The following TTC34 variants were observed in gnomAD, a reference collection of about 807,000 sequenced individuals.
The protein encoded by TTC34 is tetratricopeptide repeat domain 34, also known as tetratricopeptide repeat protein 34.
Under a neutral mutation model 40.7 loss-of-function variants are expected in TTC34, and 44 were observed. That is an observed-to-expected ratio of 1.08 (90% CI 0.85 to 1.39). The LOEUF is 1.39. TTC34 is among the 40% of genes most tolerant of loss of function. The pLI, the probability that TTC34 is intolerant of heterozygous loss-of-function variation, is 0.00. For synonymous variants in TTC34, 422 were observed against 398.6 expected, an observed-to-expected ratio of 1.06 and a Z score of -0.70; for missense variants, 884 against 838.0, an observed-to-expected ratio of 1.05 and a Z score of -0.68.
At chr1:2,644,168 G>T in intron 8 of TTC34, 96 bp downstream of exon 8, 1 of 1,260,116 alleles carries the variant, frequency 7.9e-7, no homozygotes, top group Non-Finnish European at 1.1e-6. Context: ...CAACCGCAGA[G>T]AGTGAAGAAA....
intron 6 of TTC34, among the ~76,000 whole-genome samples, chr1:2,748,387 G>T: frequency 1.4e-5 from 2 of 139,658 alleles, no homozygotes; most frequent in Non-Finnish European, 3.1e-5. Flanking sequence ...ACATCCTGGA[G>T]CAACACTGAC....
Position 2,698,846 on chromosome 1 carries a change from C to G in TTC34, c.2227-53283G>C, listed in dbSNP as rs537886571. Among the ~76,000 whole-genome samples, 97 of 145,926 alleles carry G rather than the reference C, an allele frequency of 6.6e-4. No homozygotes were observed. The East Asian group carries it at 0.012, about 17-fold the overall frequency. On this transcript the variant is annotated intron_variant, in intron 6 of 8. Coordinates refer to ENST00000401095, the Ensembl canonical transcript of TTC34. ...ATCTCACAGCCTGCAACAGTACCCA[C>G]ACTCCCAGGCGAGCATCTGACATCC...
At chr1:2,650,329 C>A (rs964461937) in intron 6 of TTC34, among the ~76,000 whole-genome samples, 1 of 150,656 alleles carries the variant, frequency 6.6e-6, no homozygotes, top group Non-Finnish European at 1.5e-5. Context: ...CCTGGAATGG[C>A]ACTCTACACC....
chr1:2,683,468 C>T (rs1381489513), intron 6 of TTC34, among the ~76,000 whole-genome samples: 1 of 151,748 alleles, frequency 6.6e-6, no homozygotes, highest in Admixed American at 6.6e-5. Context: ...GAGCAGCACC[C>T]ACACCACCAG....
intron 2 of TTC34, among the ~76,000 whole-genome samples, chr1:2,794,938 G>A (rs1156729214): frequency 1.3e-5 from 2 of 151,996 alleles, no homozygotes; most frequent in African/African-American, 4.8e-5. Flanking sequence ...AATATTTGAC[G>A]AAATGTTGGC....
rs756101816 is a variant in TTC34 at position 2,787,889 on chromosome 1, G to A, written c.1629-183C>T. Among the ~76,000 whole-genome samples the A allele has an allele frequency of 3.9e-5, 6 of 152,208 alleles. No homozygotes were observed. In the South Asian group the frequency reaches 8.3e-4, roughly 21 times the overall value. The stretch of plus-strand genomic sequence containing the variant: ...GCCCTTCCTAGCATGCGGCCCTCAC[G>A]CTCTCCCTTGCCCTTCTCCTACCCT... On this transcript the variant is annotated intron_variant, in intron 3 of 8. Coordinates refer to ENST00000401095, the Ensembl canonical transcript of TTC34.
rs998121145 is a variant in TTC34 at position 2,789,551 on chromosome 1, TGCGCTCTGGACGGCCCG to T, written c.1563_1579del (p.Ser524GlufsTer42). The T allele has an allele frequency of 2.7e-6, 4 of 1,496,654 alleles. No individual in the cohort carries two copies. In the African/African-American group the frequency reaches 5.7e-5, roughly 21 times the overall value. The allele number at this position is 1,496,654 out of a possible 1,614,324, so 92.7% of individuals were successfully genotyped here. ...CGTCTCTGCGGCCTCCCTCCGGCCC[TGCGCTCTGGACGGCCCG>T]GCGCGTGGAGATCGCTGCAGCATCC... On this transcript the variant is annotated frameshift_variant, in exon 3 of 9. Coordinates refer to ENST00000401095, the Ensembl canonical transcript of TTC34. LOFTEE classifies it high-confidence loss of function.
At chr1:2,648,064 A>G (rs1393730122) in intron 6 of TTC34, among the ~76,000 whole-genome samples, 1 of 152,118 alleles carries the variant, frequency 6.6e-6, no homozygotes, top group Non-Finnish European at 1.5e-5. Context: ...CATTCTAGCA[A>G]ACATTTCTTT....
In TTC34 at chr1:2,692,464, C is replaced by T. The variant is rs375136991; in HGVS notation, c.2227-46901G>A. Among the ~76,000 whole-genome samples the T allele has an allele frequency of 2.4e-4, 28 of 118,612 alleles. 1 individual carries two copies. Among genetic ancestry groups the T allele is most frequent in the Non-Finnish European group, 2.4e-4 (13 of 54,206 alleles). The allele number at this position is 118,612 out of a possible 152,430, so 77.8% of individuals were successfully genotyped here. A position where few individuals can be genotyped will look rare whatever the true frequency, so the allele number is the denominator to read the frequency against. ...TGACTGCCTGGAGCAGCACCCACACCCCCAGGTGAGCATCTGACAGCCTGG... is the reference window on the plus strand; with the variant it reads ...TGACTGCCTGGAGCAGCACCCACACTCCCAGGTGAGCATCTGACAGCCTGG... On this transcript the variant is annotated intron_variant, in intron 6 of 8. Coordinates refer to ENST00000401095, the Ensembl canonical transcript of TTC34.
In TTC34 at chr1:2,645,498, G is replaced by A; in HGVS notation, c.2292C>T (p.Arg764=). ...GGGCCTGGGCTTCCGGCTTCAGAGA[G>A]CGGAGCTCAGGGACCACAGTCCCGG... Residue 764 remains arginine, a synonymous_variant, in exon 7 of 9, where the codon CGC becomes CGT. Coordinates refer to ENST00000401095, the Ensembl canonical transcript of TTC34. The surrounding 1 kb of genome is among the most constrained non-coding windows in gnomAD (Gnocchi z 4.7). 1 of 1,528,978 alleles carries A rather than the reference G, an allele frequency of 6.5e-7. No individual in the cohort carries two copies. Among genetic ancestry groups the A allele is most frequent in the Non-Finnish European group, 8.7e-7 (1 of 1,143,586 alleles). The allele number at this position is 1,528,978 out of a possible 1,614,324, so 94.7% of individuals were successfully genotyped here. A position where few individuals can be genotyped will look rare whatever the true frequency, so the allele number is the denominator to read the frequency against.
At chr1:2,779,222 A>G (rs1643434681) in intron 6 of TTC34, among the ~76,000 whole-genome samples, 1 of 152,200 alleles carries the variant, frequency 6.6e-6, no homozygotes, top group African/African-American at 2.4e-5. Flanking sequence ...CAATGATGCT[A>G]TCTATGAATA....
chr1:2,790,880 G>T (rs1460668366), intron 2 of TTC34, among the ~76,000 whole-genome samples: 3 of 152,190 alleles, frequency 2.0e-5, no homozygotes, highest in African/African-American at 7.2e-5. Flanking sequence ...CTGTAGCAGA[G>T]CTCTTCTCTC....
At chr1:2,687,213 G>A (rs1309476781) in intron 6 of TTC34, among the ~76,000 whole-genome samples, 596 of 145,148 alleles carry the variant, frequency 4.1e-3, no homozygotes, top group Admixed American at 8.3e-3. Flanking sequence ...ACCTCCCGGC[G>A]AGCATCCGAC....
At chr1:2,797,735 G>T (rs188010303) in intron 2 of TTC34, among the ~76,000 whole-genome samples, 12 of 152,172 alleles carry the variant, frequency 7.9e-5, no homozygotes, top group Admixed American at 4.6e-4. Context: ...AAGAGGCAGT[G>T]AAGGGACCGG....
chr1:2,750,390 G>C (rs1217187406), intron 6 of TTC34, among the ~76,000 whole-genome samples: 2 of 108,282 alleles, frequency 1.8e-5, no homozygotes, highest in African/African-American at 4.3e-5. Context: ...TGACAGCCTG[G>C]AACAGCACGC....
At chr1:2,751,577 C>T (rs1339839714) in intron 6 of TTC34, among the ~76,000 whole-genome samples, 3 of 16,378 alleles carry the variant, frequency 1.8e-4, no homozygotes, top group Non-Finnish European at 3.5e-4. Flanking sequence ...CCCCCAGGTG[C>T]GCACGTGACA....
At chr1:2,749,120 AC>A (rs1641236723) in intron 6 of TTC34, among the ~76,000 whole-genome samples, 1 of 134,638 alleles carries the variant, frequency 7.4e-6, no homozygotes, top group Non-Finnish European at 1.6e-5. Context: ...CAGCACCCAC[AC>A]CCCCAGGTGA....
chr1:2,791,585 T>C (rs1268577164), intron 2 of TTC34, among the ~76,000 whole-genome samples: 1 of 152,194 alleles, frequency 6.6e-6, no homozygotes, highest in East Asian at 1.9e-4. Context: ...TCTCGTGCCC[T>C]GAGACTAGCC....
rs1366570957 is a variant in TTC34, at chr1:2,783,782, G to A, written c.2060-7C>T. 6.7e-7 allele frequency: 1 copy of A among 1,490,656 alleles called. No homozygotes were observed. The highest frequency in any genetic ancestry group is 1.4e-5 in the South Asian group (1 of 73,916). 92.3% of individuals were successfully genotyped at this position (1,490,656 alleles called of 1,614,324 possible). A position where few individuals can be genotyped will look rare whatever the true frequency, so the allele number is the denominator to read the frequency against. On this transcript the variant is annotated splice_region_variant and splice_polypyrimidine_tract_variant and intron_variant, in intron 5 of 8. Coordinates refer to ENST00000401095, the Ensembl canonical transcript of TTC34. ...GACTCACTTGCCTGGCTTCCTGCAG[G>A]AAGACGGCATGGGGTCAGGATGAGC...
Sources: allele counts gnomAD v4.1 joint callset (sites outside exome capture counted in the v4.1 genomes callset), GRCh38; gene constraint gnomAD v4.1.1; non-coding constraint Gnocchi (gnomAD v3.1); transcripts MANE v1.5; gene names NCBI Gene and HGNC (gene_info 2026-07-23, HGNC 2026-07-21).